The following OPN5 variants were observed in gnomAD, a reference collection of about 807,000 sequenced individuals.
The protein encoded by OPN5 is opsin 5.
OPN5 carries 18 observed loss-of-function variants against 41.7 expected under a neutral mutation model. The observed-to-expected ratio is 0.43, with a 90% CI of 0.30 to 0.64. OPN5 has a LOEUF of 0.64. Ranked by LOEUF, OPN5 falls within the 30% of genes least tolerant of loss-of-function variation. OPN5 has a pLI of 0.13. For missense variants in OPN5, 318 were observed against 434.5 expected (o/e 0.73, Z 2.38); for synonymous variants, 178 against 164.3 (o/e 1.08, Z -0.64).
exon 3 of OPN5, chr6:47,791,872 C>G: frequency 6.2e-7 from 1 of 1,613,936 alleles, no homozygotes; most frequent in South Asian, 1.1e-5. Context: ...TCGGCTGCCG[C>G]TGGTATGGAT....
At chr6:47,789,125 T>A (rs1348739765) in intron 2 of OPN5, among the ~76,000 whole-genome samples, 3 of 152,140 alleles carry the variant, frequency 2.0e-5, no homozygotes, top group African/African-American at 7.2e-5. Context: ...CTTTCACTTG[T>A]CTTTTTGCTG....
At chr6:47,813,102 AACAACAACAAC>A (rs1303045007) in intron 6 of OPN5, among the ~76,000 whole-genome samples, 85 of 114,362 alleles carry the variant, frequency 7.4e-4, no homozygotes, top group Non-Finnish European at 9.6e-4. Context: ...CAACAACAAC[AACAACAACAAC>A]AAGCAACAAC....
chr6:47,789,838 G>T (rs932235680), intron 2 of OPN5, among the ~76,000 whole-genome samples: 2 of 152,008 alleles, frequency 1.3e-5, no homozygotes, highest in African/African-American at 4.8e-5. Context: ...AAAACATTAA[G>T]GTTAGGGAAC....
chr6:47,795,784 A>T (rs201117313), intron 4 of OPN5, among the ~76,000 whole-genome samples: 4,551 of 55,186 alleles, frequency 0.082, 194 homozygotes, highest in African/African-American at 0.17. Context: ...TCTCTCACAC[A>T]CACACACACA....
intron 1 of OPN5, among the ~76,000 whole-genome samples, chr6:47,785,920 G>C (rs914147756): frequency 1.3e-5 from 2 of 152,192 alleles, no homozygotes. Context: ...GCAGCTGAAG[G>C]CTGTCCTATC....
rs765209217 is a variant in OPN5 at position 47,791,785 on chromosome 6, G to A, written c.251-17G>A. ...TAACCAGAGGAACGTCTGTTGACAA[G>A]TCACTTGGTGCTCTAGTTGTAGGCA... On this transcript the variant is annotated splice_polypyrimidine_tract_variant and intron_variant, in intron 2 of 6. Transcript: ENST00000371211. 3.3e-5 allele frequency: 53 copies of A among 1,612,664 alleles called. No homozygotes were observed. The highest frequency in any genetic ancestry group is 4.2e-5 in the Non-Finnish European group (50 of 1,179,066).
At chr6:47,795,290 C>T (rs1364410872) in exon 4 of OPN5, 5 of 1,613,838 alleles carry the variant, frequency 3.1e-6, no homozygotes, top group Non-Finnish European at 4.2e-6. Flanking sequence ...CCTATGCTTC[C>T]TTCTGGACCA....
At chr6:47,812,025 A>AAT (rs571139864) in intron 6 of OPN5, 208 of 233,030 alleles carry the variant, frequency 8.9e-4, no homozygotes, top group African/African-American at 4.6e-3. Context: ...TAGTGAGAAA[A>AAT]ATGTTGAGAA....
At chr6:47,804,537 C>G (rs1773892092) in intron 4 of OPN5, among the ~76,000 whole-genome samples, 1 of 151,972 alleles carries the variant, frequency 6.6e-6, no homozygotes, top group African/African-American at 2.4e-5. Context: ...ACTTTCGTGG[C>G]CTATATCTTA....
intron 6 of OPN5, among the ~76,000 whole-genome samples, chr6:47,817,385 C>T (rs1430726987): frequency 6.6e-6 from 1 of 152,070 alleles, no homozygotes; most frequent in Non-Finnish European, 1.5e-5. Flanking sequence ...TTATCAAGAC[C>T]TCTAGTTCTG....
chr6:47,824,014 T>C (rs1762718025), exon 7 of OPN5: 2 of 1,546,452 alleles, frequency 1.3e-6, no homozygotes, highest in Admixed American at 2.0e-5. Context: ...TTGTGAAGAG[T>C]GCATCTGAAG....
At position 47,811,670 on chromosome 6, in the gene OPN5, C is replaced by T. The variant is rs766180869; in HGVS notation, c.999-4C>T. The T allele has an allele frequency of 1.2e-6, 2 of 1,609,158 alleles. 1 individual carries two copies. Among genetic ancestry groups the T allele is most frequent in the South Asian group, 2.2e-5 (2 of 90,898 alleles). On this transcript the variant is annotated splice_region_variant and splice_polypyrimidine_tract_variant and intron_variant, in intron 5 of 6. Coordinates refer to ENST00000371211, the Ensembl canonical transcript of OPN5. Reference sequence around the variant, plus strand: ...AAATTGCATTTTTCTTCTCCTATATCTAGGCTGCACACCGTAACCACAGTC... The same window carrying T: ...AAATTGCATTTTTCTTCTCCTATATTTAGGCTGCACACCGTAACCACAGTC...
At chr6:47,799,706 G>T (rs1773699323) in intron 4 of OPN5, among the ~76,000 whole-genome samples, 1 of 152,124 alleles carries the variant, frequency 6.6e-6, no homozygotes, top group Admixed American at 6.6e-5. Context: ...GAGTTCTGTT[G>T]TTCTTCCACC....
intron 4 of OPN5, among the ~76,000 whole-genome samples, chr6:47,797,726 C>T (rs1773622734): frequency 6.6e-6 from 1 of 152,208 alleles, no homozygotes; most frequent in South Asian, 2.1e-4. Context: ...TGTTTTCCAT[C>T]CCCTATTATG....
At chr6:47,823,901 TA>T in intron 6 of OPN5, 81 bp from the exon 7 acceptor site, 1 of 967,986 alleles carries the variant, frequency 1.0e-6, no homozygotes, top group Non-Finnish European at 1.6e-6. Flanking sequence ...GTGGTATGTT[TA>T]GGCTCTGAAT....
intron 5 of OPN5, among the ~76,000 whole-genome samples, chr6:47,810,268 C>T (rs1410419901): frequency 1.3e-5 from 2 of 152,108 alleles, no homozygotes; most frequent in Non-Finnish European, 2.9e-5. Flanking sequence ...GAGGTTGAAG[C>T]CTCTTTGTGG....
intron 4 of OPN5, among the ~76,000 whole-genome samples, chr6:47,803,710 TC>T (rs1773860374): frequency 6.6e-6 from 1 of 152,204 alleles, no homozygotes; most frequent in Non-Finnish European, 1.5e-5. Context: ...GCATGCAGCT[TC>T]AAGTATTAGC....
chr6:47,826,318 G>A (rs1221981687), downstream of OPN5: 3 of 152,094 alleles, frequency 2.0e-5, no homozygotes, highest in Non-Finnish European at 4.4e-5. Context: ...ATTTCCCAAA[G>A]CATGATCCCC....
intron 6 of OPN5, among the ~76,000 whole-genome samples, chr6:47,812,316 C>A (rs965042040): frequency 1.1e-4 from 17 of 152,130 alleles, no homozygotes; most frequent in African/African-American, 4.1e-4. Flanking sequence ...TTGAAGACAA[C>A]AGTAATTTCC....
Sources: allele counts gnomAD v4.1 joint callset (sites outside exome capture counted in the v4.1 genomes callset), GRCh38; gene constraint gnomAD v4.1.1; transcripts MANE v1.5; gene names NCBI Gene and HGNC (gene_info 2026-07-23, HGNC 2026-07-21).